The following TP73 variants were observed in gnomAD, a reference collection of about 807,000 sequenced individuals.
The protein encoded by TP73 is tumor protein p73.
A neutral mutation model predicts 62.5 loss-of-function variants in TP73; 25 were observed. The ratio of observed to expected loss-of-function variants is 0.40; its 90% confidence interval spans 0.29 to 0.56. TP73 has a LOEUF of 0.56. TP73 is among the 20% of genes least tolerant of loss of function. The pLI is 0.46. For synonymous variants in TP73, 423 were observed against 377.5 expected (o/e 1.12, Z -1.40); for missense variants, 754 against 913.3 (o/e 0.83, Z 2.25).
chr1:3,664,593 C>T (rs940894759), intron 1 of TP73, among the ~76,000 whole-genome samples: 3 of 152,252 alleles, frequency 2.0e-5, no homozygotes, highest in Non-Finnish European at 4.4e-5. Context: ...CCGCAGCTTT[C>T]TCTTCCACAG....
chr1:3,665,818 C>G (rs941880720), intron 1 of TP73, among the ~76,000 whole-genome samples: 2 of 97,104 alleles, frequency 2.1e-5, no homozygotes, highest in African/African-American at 9.6e-5. Context: ...CCGTGCCCGG[C>G]CTTTTTTTTT....
In TP73 at chr1:3,725,035, G is replaced by A. The variant is rs532738392; in HGVS notation, c.732+1566G>A. The stretch of plus-strand genomic sequence containing the variant: ...CTCCGTCTCAAAAAAAAAAAAAAGA[G>A]TTTTGGTTCATGTCTCAGCTGTACT... On this transcript the variant is annotated intron_variant, in intron 6 of 13. Transcript: ENST00000378295. 2.0e-3 allele frequency among the ~76,000 whole-genome samples: 299 copies of A among 151,944 alleles called. 1 individual carries two copies. Among genetic ancestry groups the A allele is most frequent in the African/African-American group, 7.0e-3 (291 of 41,432 alleles).
chr1:3,666,771 C>T lies in TP73; in HGVS notation c.-34+14130C>T, dbSNP rs769133588. ...GTGGGGATGGTGCTCTGAGCAGACG[C>T]GACTCAGTGCCATGCGGGCGTCTCT... is the stretch of plus-strand genomic sequence containing the variant. On this transcript the variant is annotated intron_variant, in intron 1 of 13. Transcript: ENST00000378295. The surrounding 1 kb of genome is among the most constrained non-coding windows in gnomAD (Gnocchi z 6.4). Among the ~76,000 whole-genome samples the T allele has an allele frequency of 9.9e-5, 15 of 152,246 alleles. No homozygotes were observed. Among genetic ancestry groups the T allele is most frequent in the South Asian group, 2.1e-4 (1 of 4,822 alleles).
At chr1:3,726,996 A>G (rs1056165173) in intron 6 of TP73, 119 bp from the exon 7 acceptor site, 5 of 746,666 alleles carry the variant, frequency 6.7e-6, no homozygotes, top group Non-Finnish European at 1.1e-5. Context: ...ACAACTATAG[A>G]GCAGGGCATC....
Position 3,723,452 on chromosome 1 carries a change from C to T in TP73, c.715C>T (p.Pro239Ser). ...CACCGGCAGGCAGAGCGTCGTGGTG[C>T]CCTATGAGCCACCACAGGTAGGCCA... ...PVTGRQSVVV[P>S]YEPPQVGTEF... Residue 239 changes from proline (P) to serine (S), a missense_variant, in exon 6 of 14, where the codon CCC becomes TCC. This residue lies in a region of TP73 where 61 missense variants were observed against 133.2 expected (regional missense o/e 0.46). Transcript: ENST00000378295. 1 of 1,609,538 alleles carries T rather than the reference C, an allele frequency of 6.2e-7. No homozygotes were observed. Among genetic ancestry groups the T allele is most frequent in the South Asian group, 1.1e-5 (1 of 90,908 alleles).
chr1:3,726,893 A>G (rs1439139548), intron 6 of TP73, among the ~76,000 whole-genome samples: 1 of 34,916 alleles, frequency 2.9e-5, no homozygotes, highest in South Asian at 6.7e-4. Flanking sequence ...TGAATAGATA[A>G]ATGGGTTCGA....
At chr1:3,688,597 G>A (rs778675311) in intron 3 of TP73, among the ~76,000 whole-genome samples, 5 of 152,352 alleles carry the variant, frequency 3.3e-5, no homozygotes, top group Admixed American at 1.3e-4. Flanking sequence ...TGGAGGAGGC[G>A]CTAAGGGCCA....
chr1:3,657,984 C>T (rs1180042602), intron 1 of TP73, among the ~76,000 whole-genome samples: 1 of 152,202 alleles, frequency 6.6e-6, no homozygotes, highest in East Asian at 1.9e-4. Context: ...GTGGGTGCTA[C>T]AGAAGGTCGG....
Position 3,722,131 on chromosome 1 carries a change from T to C in TP73, c.540T>C (p.Val180=). ...GCACCGCCATCCGGGCCATGCCTGT[T>C]TACAAGAAAGCGGAGCACGTGACCG... The part of the protein sequence containing the change: ...PPGTAIRAMP[V]YKKAEHVTDV... The change falls in exon 5 of 14, where the codon GTT becomes GTC. Residue 180 remains valine (V), a synonymous_variant. Transcript: ENST00000378295. 1 of 1,612,806 alleles carries C rather than the reference T, an allele frequency of 6.2e-7. No homozygotes were observed. The highest frequency in any genetic ancestry group is 8.5e-7 in the Non-Finnish European group (1 of 1,179,854).
intron 4 of TP73, among the ~76,000 whole-genome samples, chr1:3,717,400 C>G (rs1640696835): frequency 1.3e-5 from 2 of 152,222 alleles, no homozygotes. Flanking sequence ...TTGGGCAAAC[C>G]CTTTCCTGCA....
At chr1:3,674,058 C>T (rs1177569726) in intron 1 of TP73, among the ~76,000 whole-genome samples, 1 of 152,178 alleles carries the variant, frequency 6.6e-6, no homozygotes, top group Non-Finnish European at 1.5e-5. Context: ...GGTGTGTGGC[C>T]TCACTGGGCC....
intron 4 of TP73, among the ~76,000 whole-genome samples, chr1:3,716,687 G>T (rs541165063): frequency 6.6e-6 from 1 of 152,170 alleles, no homozygotes; most frequent in South Asian, 2.1e-4. Flanking sequence ...TCACCAAGGG[G>T]GCCCTGTGGC....
chr1:3,734,389 C>T lies in TP73; in HGVS notation c.*1310C>T, dbSNP rs150613562. 2.0e-5 allele frequency: 3 copies of T among 152,306 alleles called. No individual in the cohort carries two copies. In the East Asian group the frequency reaches 5.8e-4, roughly 29 times the overall value. The allele number at this position is 152,306 out of a possible 1,614,324, so 9.4% of individuals were successfully genotyped here. On this transcript the variant is annotated 3_prime_UTR_variant, in exon 14 of 14. Coordinates refer to ENST00000378295, the MANE Select transcript of TP73 (RefSeq NM_005427.4). The surrounding 1 kb of genome is among the most constrained non-coding windows in gnomAD (Gnocchi z 4.4). Reference sequence around the variant, plus strand: ...CGGAGCACAGCTTCAGGGCAGGGAACCGGAGCCCCTGGGGGGCCTCACGGG... The same window carrying T: ...CGGAGCACAGCTTCAGGGCAGGGAATCGGAGCCCCTGGGGGGCCTCACGGG...
At chr1:3,692,629 G>A (rs368568176) in intron 3 of TP73, among the ~76,000 whole-genome samples, 2 of 152,126 alleles carry the variant, frequency 1.3e-5, no homozygotes, top group African/African-American at 2.4e-5. Context: ...GCTATCTCCC[G>A]GCTGCTGGAC....
At chr1:3,674,331 C>A (rs1442102954) in intron 1 of TP73, among the ~76,000 whole-genome samples, 1 of 152,248 alleles carries the variant, frequency 6.6e-6, no homozygotes, top group African/African-American at 2.4e-5. Flanking sequence ...TGCTCAGGCA[C>A]CTCCAGCTGT....
intron 10 of TP73, chr1:3,729,654 C>G (rs1479804427): frequency 1.1e-6 from 1 of 901,334 alleles, no homozygotes; most frequent in Non-Finnish European, 1.8e-6. Flanking sequence ...GGGTCATGGC[C>G]CTTGCTATGC....
In TP73 at chr1:3,663,588, C is replaced by T. The variant is rs747453383; in HGVS notation, c.-34+10947C>T. On this transcript the variant is annotated intron_variant, in intron 1 of 13. Coordinates refer to ENST00000378295, the MANE Select transcript of TP73 (RefSeq NM_005427.4). The surrounding 1 kb of genome is among the most constrained non-coding windows in gnomAD (Gnocchi z 4.7). The stretch of plus-strand genomic sequence containing the variant: ...AAAATTAGCCAGGCGTGGTGGCGGG[C>T]GCCTGTAGTCCCAGCTACTCGGGAG... 1.3e-5 allele frequency among the ~76,000 whole-genome samples: 2 copies of T among 151,672 alleles called. No homozygotes were observed. The highest frequency in any genetic ancestry group is 2.4e-5 in the African/African-American group (1 of 41,268).
chr1:3,723,498 GCCCTGCAGTCAGCTGTAC>G, intron 6 of TP73, 29 bp downstream of exon 6: 1 of 1,482,816 alleles, frequency 6.7e-7, no homozygotes. Flanking sequence ...TGTGCCCAGG[GCCCTGCAGTCAGCTGTAC>G]GGGTCGGGGG....
At chr1:3,695,047 A>T (rs1428751536) in intron 3 of TP73, among the ~76,000 whole-genome samples, 3 of 152,158 alleles carry the variant, frequency 2.0e-5, no homozygotes, top group African/African-American at 7.2e-5. Context: ...GGGGGACTGG[A>T]TAATCCTGTG....
Sources: gnomAD v4.1 joint callset for allele counts (sites outside exome capture counted in the v4.1 genomes callset) on GRCh38, gnomAD v4.1.1 for gene constraint, gnomAD v4.1.1 regional missense constraint, Gnocchi (gnomAD v3.1) non-coding constraint, MANE v1.5 for transcripts, NCBI Gene and HGNC (gene_info 2026-07-23, HGNC 2026-07-21) for gene names.